The following NPBWR1 variants were observed in gnomAD, a reference collection of about 807,000 sequenced individuals.
The protein encoded by NPBWR1 is neuropeptides B and W receptor 1, also known as neuropeptides B/W receptor type 1.
NPBWR1 carries 4 observed loss-of-function variants against 2.8 expected under a neutral mutation model. That is an observed-to-expected ratio of 1.44 (90% CI 0.71 to 3.29). The LOEUF (loss-of-function observed/expected upper bound fraction) is 3.29, where lower values mean the gene tolerates loss of function less well. NPBWR1 is among the 30% of genes most tolerant of loss of function. NPBWR1 has a pLI of 0.01. For missense variants in NPBWR1, 545 were observed against 462.5 expected, an observed-to-expected ratio of 1.18 and a Z score of -1.64; for synonymous variants, 250 against 224.5, an observed-to-expected ratio of 1.11 and a Z score of -1.02.
rs924796438 is a variant in NPBWR1, at chr8:52,939,813, G to C, written c.-95G>C. ...TTGGAGAGCTGAAACGAGCGTCCGC[G>C]AGCAGGTCCGTGCAGAACCGGGCTT... is the stretch of plus-strand genomic sequence containing the variant. On this transcript the variant is annotated 5_prime_UTR_variant, in exon 2 of 2. Coordinates refer to ENST00000674939, the MANE Select transcript of NPBWR1 (RefSeq NM_005285.5). The C allele has an allele frequency of 7.5e-7, 1 of 1,337,960 alleles. No individual in the cohort carries two copies. Among genetic ancestry groups the C allele is most frequent in the African/African-American group, 1.5e-5 (1 of 67,612 alleles). The allele number at this position is 1,337,960 out of a possible 1,614,324, so 82.9% of individuals were successfully genotyped here.
In NPBWR1 at chr8:52,941,522, A is replaced by T. The variant is rs1412072160; in HGVS notation, c.*628A>T. ...ACTGGGGAAAACACAACAACTCGGG[A>T]TGCCCCATCGGAGTGTGTATACACC... On this transcript the variant is annotated 3_prime_UTR_variant, in exon 2 of 2. Transcript: ENST00000674939. Among the ~76,000 whole-genome samples, 1 of 152,180 alleles carries T rather than the reference A, an allele frequency of 6.6e-6. No individual in the cohort carries two copies. The highest frequency in any genetic ancestry group is 1.5e-5 in the Non-Finnish European group (1 of 68,028).
intron 1 of NPBWR1, 149 bp from the exon 2 acceptor site, chr8:52,939,562 A>G (rs985836811): frequency 1.0e-5 from 3 of 288,386 alleles, no homozygotes; most frequent in African/African-American, 6.5e-5. Context: ...TTCAACTGGT[A>G]GAAGTGAGAT....
rs1860190101 is a variant in NPBWR1 at position 52,941,015 on chromosome 8, A to G, written c.*121A>G. ...TCCTGGGGAAACCGACTCGCGCCCC[A>G]TACCCGACCTAGCAGATCGGAAGCG... On this transcript the variant is annotated 3_prime_UTR_variant, in exon 2 of 2. Transcript: ENST00000674939. The G allele has an allele frequency of 2.3e-6, 3 of 1,310,932 alleles. No individual in the cohort carries two copies. Among genetic ancestry groups the G allele is most frequent in the Non-Finnish European group, 3.0e-6 (3 of 985,222 alleles). 81.2% of individuals were successfully genotyped at this position (1,310,932 alleles called of 1,614,324 possible).
rs1043929423 is a variant in NPBWR1 at position 52,943,186 on chromosome 8, C to A, written c.*2292C>A. On this transcript the variant is annotated 3_prime_UTR_variant, in exon 2 of 2. Transcript: ENST00000674939. Reference sequence around the variant, plus strand: ...GTGATCCATCTGTCCACTGTTTCATCCCTACAGTAGATTGACCTCGAGCCT... The same window carrying A: ...GTGATCCATCTGTCCACTGTTTCATACCTACAGTAGATTGACCTCGAGCCT... Among the ~76,000 whole-genome samples, 6 of 152,166 alleles carry A rather than the reference C, an allele frequency of 3.9e-5. No individual in the cohort carries two copies. Among genetic ancestry groups the A allele is most frequent in the African/African-American group, 1.4e-4 (6 of 41,430 alleles).
chr8:52,941,040 G>T lies in NPBWR1; in HGVS notation c.*146G>T, dbSNP rs1298419670. 1 of 1,123,790 alleles carries T rather than the reference G, an allele frequency of 8.9e-7. No individual in the cohort carries two copies. The highest frequency in any genetic ancestry group is 1.2e-6 in the Non-Finnish European group (1 of 816,998). 69.6% of individuals were successfully genotyped at this position (1,123,790 alleles called of 1,614,324 possible). A position where few individuals can be genotyped will look rare whatever the true frequency, so the allele number is the denominator to read the frequency against. On this transcript the variant is annotated 3_prime_UTR_variant, in exon 2 of 2. Coordinates refer to ENST00000674939, the MANE Select transcript of NPBWR1 (RefSeq NM_005285.5). The stretch of plus-strand genomic sequence containing the variant: ...ATACCCGACCTAGCAGATCGGAAGC[G>T]CTGCGACTGTGCCCGCAGGTTGACC...
Position 52,941,367 on chromosome 8 carries a change from CG to C in NPBWR1, c.*476del, listed in dbSNP as rs1208064312. Among the ~76,000 whole-genome samples, 1 of 152,154 alleles carries C rather than the reference CG, an allele frequency of 6.6e-6. No homozygotes were observed. The highest frequency in any genetic ancestry group is 1.5e-5 in the Non-Finnish European group (1 of 68,016). On this transcript the variant is annotated 3_prime_UTR_variant, in exon 2 of 2. Transcript: ENST00000674939. The stretch of plus-strand genomic sequence containing the variant: ...TGCTGTAGCTGGCGCACAGCCCCGG[CG>C]GGTCCCCTTGTCCTCCGCGCGCTCT...
chr8:52,942,788 G>A lies in NPBWR1; in HGVS notation c.*1894G>A, dbSNP rs1802905463. The stretch of plus-strand genomic sequence containing the variant: ...ATTAAAAAACCTTCTGTCTTGGGTG[G>A]CAAATAATAGTAAATTGTTTAAAAG... On this transcript the variant is annotated 3_prime_UTR_variant, in exon 2 of 2. Coordinates refer to ENST00000674939, the MANE Select transcript of NPBWR1 (RefSeq NM_005285.5). Among the ~76,000 whole-genome samples, 3 of 152,098 alleles carry A rather than the reference G, an allele frequency of 2.0e-5. No homozygotes were observed. The highest frequency in any genetic ancestry group is 2.1e-4 in the South Asian group (1 of 4,824).
chr8:52,940,558 C>A lies in NPBWR1; in HGVS notation c.651C>A (p.Ser217=), dbSNP rs1285990990. 2 of 1,598,642 alleles carry A rather than the reference C, an allele frequency of 1.3e-6. No homozygotes were observed. The highest frequency in any genetic ancestry group is 1.3e-5 in the African/African-American group (1 of 74,670). ...TGCTGGGCTTCGCCATCCCCGTGTC[C>A]ACCATCTGTGTCCTCTATACCACCC... is the stretch of plus-strand genomic sequence containing the variant. The part of the protein sequence containing the change: ...TLVLGFAIPV[S]TICVLYTTLL... The change falls in exon 2 of 2, where the codon TCC becomes TCA. Residue 217 remains serine (S), a synonymous_variant. Coordinates refer to ENST00000674939, the MANE Select transcript of NPBWR1 (RefSeq NM_005285.5).
In NPBWR1 at chr8:52,941,888, T is replaced by C. The variant is rs138035838; in HGVS notation, c.*994T>C. The stretch of plus-strand genomic sequence containing the variant: ...AGCGCTGTGGCACACTGGTCATCGT[T>C]GCTTATAGAGGATGCCAAGCCCCAC... On this transcript the variant is annotated 3_prime_UTR_variant, in exon 2 of 2. Coordinates refer to ENST00000674939, the MANE Select transcript of NPBWR1 (RefSeq NM_005285.5). 8.6e-3 allele frequency among the ~76,000 whole-genome samples: 1,308 copies of C among 152,294 alleles called. 19 individuals carry two copies. The highest frequency in any genetic ancestry group is 0.029 in the African/African-American group (1,223 of 41,570).
rs1860199768 is a variant in NPBWR1 at position 52,941,397 on chromosome 8, A to G, written c.*503A>G. ...CCCCTTGTCCTCCGCGCGCTCTGGG[A>G]AGACGGTCAGGCGCGCGCGTTTGGC... is the stretch of plus-strand genomic sequence containing the variant. On this transcript the variant is annotated 3_prime_UTR_variant, in exon 2 of 2. Transcript: ENST00000674939. Among the ~76,000 whole-genome samples the G allele has an allele frequency of 6.6e-6, 1 of 151,980 alleles. No individual in the cohort carries two copies. The highest frequency in any genetic ancestry group is 6.5e-5 in the Admixed American group (1 of 15,280).
At position 52,941,987 on chromosome 8, in the gene NPBWR1, T is replaced by G. The variant is rs150646368; in HGVS notation, c.*1093T>G. ...GTTGTAACTGTTCATGTGTGTACTGTTTTTCAGGACTGAAAACTTTATAAA... is the reference window on the plus strand; with the variant it reads ...GTTGTAACTGTTCATGTGTGTACTGGTTTTCAGGACTGAAAACTTTATAAA... On this transcript the variant is annotated 3_prime_UTR_variant, in exon 2 of 2. Coordinates refer to ENST00000674939, the MANE Select transcript of NPBWR1 (RefSeq NM_005285.5). Among the ~76,000 whole-genome samples the G allele has an allele frequency of 9.1e-3, 1,382 of 152,348 alleles. 22 individuals are homozygous for G. Among genetic ancestry groups the G allele is most frequent in the African/African-American group, 0.032 (1,321 of 41,582 alleles).
rs918243231 is a variant in NPBWR1, at chr8:52,941,640, T to C, written c.*746T>C. On this transcript the variant is annotated 3_prime_UTR_variant, in exon 2 of 2. Transcript: ENST00000674939. ...TTGGCAGTGACTGCCTAGAATATGA[T>C]ACGAATAGTGATCCTTCTTTCTGTC... Among the ~76,000 whole-genome samples the C allele has an allele frequency of 1.3e-5, 2 of 152,236 alleles. No individual in the cohort carries two copies. Among genetic ancestry groups the C allele is most frequent in the African/African-American group, 2.4e-5 (1 of 41,464 alleles).
In NPBWR1 at chr8:52,939,249, G is replaced by C. The variant is rs1034695586; in HGVS notation, c.-315G>C. On this transcript the variant is annotated 5_prime_UTR_variant, in exon 1 of 2. Coordinates refer to ENST00000674939, the MANE Select transcript of NPBWR1 (RefSeq NM_005285.5). ...CGAGCTGCGGACTCTGGCGAACTCG[G>C]GGGAGGCAGACAGGGGGAGGCGGAC... The C allele has an allele frequency of 1.3e-5, 2 of 152,200 alleles. No individual in the cohort carries two copies. The highest frequency in any genetic ancestry group is 2.1e-4 in the South Asian group (1 of 4,814). 9.4% of individuals were successfully genotyped at this position (152,200 alleles called of 1,614,324 possible).
At position 52,940,608 on chromosome 8, in the gene NPBWR1, G is replaced by A. The variant is rs1167826493; in HGVS notation, c.701G>A (p.Arg234Gln). 3.7e-6 allele frequency: 6 copies of A among 1,605,610 alleles called. No homozygotes were observed. The highest frequency in any genetic ancestry group is 5.1e-6 in the Non-Finnish European group (6 of 1,177,724). The change falls in exon 2 of 2, where the codon CGG (arginine) becomes CAG (glutamine). Residue 234 changes from arginine to glutamine, a missense_variant. Transcript: ENST00000674939. Reference protein sequence around the residue: ...TTLLCRLHAMRLDSHAKALER... With the variant: ...TTLLCRLHAMQLDSHAKALER... ...CTGCTGTGCCGGCTGCATGCCATGCGGCTGGACAGCCACGCCAAGGCCCTG... is the reference window on the plus strand; with the variant it reads ...CTGCTGTGCCGGCTGCATGCCATGCAGCTGGACAGCCACGCCAAGGCCCTG...
In NPBWR1 at chr8:52,939,715, G is replaced by A. The variant is rs1306278446; in HGVS notation, c.-193G>A. The A allele has an allele frequency of 1.7e-6, 1 of 577,746 alleles. No homozygotes were observed. The highest frequency in any genetic ancestry group is 2.9e-6 in the Non-Finnish European group (1 of 342,948). The allele number at this position is 577,746 out of a possible 1,614,324, so 35.8% of individuals were successfully genotyped here. On this transcript the variant is annotated 5_prime_UTR_variant, in exon 2 of 2. In the 5' UTR this introduces an upstream ATG that the reference lacks. Coordinates refer to ENST00000674939, the MANE Select transcript of NPBWR1 (RefSeq NM_005285.5). ...GCTTTAAATTCCTCTTTCCAGCCCC[G>A]TGAGTCCGCGGCGACATTGGGCCGT... is the stretch of plus-strand genomic sequence containing the variant.
Position 52,940,414 on chromosome 8 carries a change from C to G in NPBWR1, c.507C>G (p.Val169=). 5 of 1,600,852 alleles carry G rather than the reference C, an allele frequency of 3.1e-6. No homozygotes were observed. The highest frequency in any genetic ancestry group is 4.2e-6 in the Non-Finnish European group (5 of 1,178,510). ...SLAVWGIVTL[V]VLPFAVFARL... ...CCGTGTGGGGGATCGTCACACTCGT[C>G]GTGCTGCCCTTCGCAGTCTTCGCCC... is the stretch of plus-strand genomic sequence containing the variant. Residue 169 remains valine, a synonymous_variant, in exon 2 of 2, where the codon GTC becomes GTG. Coordinates refer to ENST00000674939, the MANE Select transcript of NPBWR1 (RefSeq NM_005285.5).
intron 1 of NPBWR1, 92 bp from the exon 2 acceptor site, chr8:52,939,619 C>T (rs980258763): frequency 1.8e-4 from 73 of 401,890 alleles, no homozygotes; most frequent in East Asian, 1.1e-3. Context: ...TTTGGGGCGC[C>T]GCGGCGCCAC....
Position 52,941,348 on chromosome 8 carries a change from A to G in NPBWR1, c.*454A>G, listed in dbSNP as rs1860198367. 6.6e-6 allele frequency among the ~76,000 whole-genome samples: 1 copy of G among 152,074 alleles called. No individual in the cohort carries two copies. The highest frequency in any genetic ancestry group is 1.5e-5 in the Non-Finnish European group (1 of 68,002). ...GTCGGCTCCGCGCGGCCCCTGCTGTAGCTGGCGCACAGCCCCGGCGGGTCC... is the reference window on the plus strand; with the variant it reads ...GTCGGCTCCGCGCGGCCCCTGCTGTGGCTGGCGCACAGCCCCGGCGGGTCC... On this transcript the variant is annotated 3_prime_UTR_variant, in exon 2 of 2. Transcript: ENST00000674939.
Position 52,943,108 on chromosome 8 carries a change from A to G in NPBWR1, c.*2214A>G, listed in dbSNP as rs1352667536. Among the ~76,000 whole-genome samples, 1 of 152,230 alleles carries G rather than the reference A, an allele frequency of 6.6e-6. No homozygotes were observed. Among genetic ancestry groups the G allele is most frequent in the Non-Finnish European group, 1.5e-5 (1 of 68,048 alleles). On this transcript the variant is annotated 3_prime_UTR_variant, in exon 2 of 2. Transcript: ENST00000674939. ...GCTGGAGTGATTGTCTGGATTCAGT[A>G]TCTCATCTGTCTTAATAAGCTCAGT...
Sources: allele counts gnomAD v4.1 joint callset (sites outside exome capture counted in the v4.1 genomes callset), GRCh38; gene constraint gnomAD v4.1.1; transcripts MANE v1.5; gene names NCBI Gene and HGNC (gene_info 2026-07-23, HGNC 2026-07-21).